CLVS1: variants seen among roughly 807,000 people sequenced by gnomAD.
CLVS1 encodes the protein clavesin 1.
In CLVS1, 10 loss-of-function variants were observed where a neutral mutation model predicts 33.1. The ratio of observed to expected loss-of-function variants is 0.30; its 90% confidence interval spans 0.19 to 0.51. CLVS1 has a LOEUF of 0.51. CLVS1 is among the 20% of genes least tolerant of loss of function. CLVS1 has a pLI of 0.97. For missense variants in CLVS1, 343 were observed against 433.4 expected (o/e 0.79, Z 1.85); for synonymous variants, 163 against 166.1 (o/e 0.98, Z 0.14).
chr8:61,019,518 C>T, the CLVS1 span, among the ~76,000 whole-genome samples: 1 of 152,168 alleles, frequency 6.6e-6, no homozygotes, highest in Non-Finnish European at 1.5e-5. Context: ...AAGGTCCTAT[C>T]AGCTCTAGAA....
At chr8:61,355,086 T>A (rs1812636204) in intron 2 of CLVS1, among the ~76,000 whole-genome samples, 1 of 152,168 alleles carries the variant, frequency 6.6e-6, no homozygotes, top group Non-Finnish European at 1.5e-5. Flanking sequence ...CAAAACAAAT[T>A]TATCTTGTCA....
intron 1 of CLVS1, among the ~76,000 whole-genome samples, chr8:61,289,516 A>G (rs935350273): frequency 6.6e-6 from 1 of 152,222 alleles, no homozygotes; most frequent in Non-Finnish European, 1.5e-5. Flanking sequence ...CTGAACAGTA[A>G]AGCATTGGGA....
chr8:61,005,685 T>C, the CLVS1 span, among the ~76,000 whole-genome samples: 16 of 152,176 alleles, frequency 1.1e-4, no homozygotes, highest in Non-Finnish European at 5.9e-5. Flanking sequence ...TATTTAAAAA[T>C]AGCGCTTTCT....
intron 2 of CLVS1, among the ~76,000 whole-genome samples, chr8:61,188,670 G>A (rs1482184248): frequency 6.6e-6 from 1 of 151,928 alleles, no homozygotes; most frequent in Non-Finnish European, 1.5e-5. Flanking sequence ...ATAGCTAAAG[G>A]GAATATTAAT....
intron 2 of CLVS1, among the ~76,000 whole-genome samples, chr8:61,132,929 G>A (rs1484376882): frequency 6.6e-6 from 1 of 152,200 alleles, no homozygotes; most frequent in East Asian, 1.9e-4. Context: ...GGTGTGGGAG[G>A]AAGCTTTTGT....
At chr8:61,027,499 A>G in the CLVS1 span, among the ~76,000 whole-genome samples, 1 of 152,092 alleles carries the variant, frequency 6.6e-6, no homozygotes, top group Admixed American at 6.6e-5. Context: ...TATGTATGTC[A>G]TCTTTGCTTG....
At chr8:61,427,289 T>C (rs1815930450) in intron 3 of CLVS1, among the ~76,000 whole-genome samples, 1 of 152,144 alleles carries the variant, frequency 6.6e-6, no homozygotes, top group African/African-American at 2.4e-5. Flanking sequence ...TTCCAGCACC[T>C]GCTTTCTTGG....
the CLVS1 span, among the ~76,000 whole-genome samples, chr8:61,001,290 A>G: frequency 3.3e-5 from 5 of 152,290 alleles, no homozygotes; most frequent in African/African-American, 7.2e-5. Context: ...CCTGGCTCCC[A>G]TAACATTTTT....
At chr8:61,033,029 GAA>G in the CLVS1 span, among the ~76,000 whole-genome samples, 65 of 111,160 alleles carry the variant, frequency 5.8e-4, no homozygotes, top group East Asian at 0.01. Flanking sequence ...AAGAAAGAAA[GAA>G]AGAAAGAAAG....
At chr8:61,022,603 T>C in the CLVS1 span, among the ~76,000 whole-genome samples, 1 of 152,238 alleles carries the variant, frequency 6.6e-6, no homozygotes, top group African/African-American at 2.4e-5. Flanking sequence ...TGCTTTTTGG[T>C]TTTTGTTTTG....
In CLVS1 at chr8:61,299,775, C is replaced by A; in HGVS notation, c.-53C>A. ...CTCTATTTGTCTGTTCCGGGGCAGC[C>A]TGGTAGTAAAACACTGTTGAATGGG... On this transcript the variant is annotated 5_prime_UTR_variant, in exon 2 of 6. It adds an upstream start codon to the 5' untranslated region. Coordinates refer to ENST00000325897, the MANE Select transcript of CLVS1 (RefSeq NM_173519.3). The A allele has an allele frequency of 7.4e-7, 1 of 1,357,850 alleles. No homozygotes were observed. Among genetic ancestry groups the A allele is most frequent in the Non-Finnish European group, 1.0e-6 (1 of 973,932 alleles). The allele number at this position is 1,357,850 out of a possible 1,614,324, so 84.1% of individuals were successfully genotyped here.
chr8:61,346,185 G>A (rs1395219886), intron 2 of CLVS1, among the ~76,000 whole-genome samples: 6 of 152,132 alleles, frequency 3.9e-5, no homozygotes, highest in East Asian at 1.9e-4. Flanking sequence ...GTCAGTCAGC[G>A]TTTCTTAACC....
chr8:61,080,504 G>A (rs1349673174), intron 1 of CLVS1, among the ~76,000 whole-genome samples: 1 of 152,164 alleles, frequency 6.6e-6, no homozygotes, highest in East Asian at 1.9e-4. Flanking sequence ...TCTAGCACTT[G>A]GGATTCATTT....
At chr8:61,279,702 T>C (rs543453011) in intron 2 of CLVS1, among the ~76,000 whole-genome samples, 1 of 152,362 alleles carries the variant, frequency 6.6e-6, no homozygotes, top group African/African-American at 2.4e-5. Context: ...ATCAGTGTTA[T>C]AGGATATACA....
intron 2 of CLVS1, among the ~76,000 whole-genome samples, chr8:61,361,502 G>T (rs192008162): frequency 2.0e-5 from 3 of 152,238 alleles, no homozygotes; most frequent in Non-Finnish European, 2.9e-5. Flanking sequence ...ACTTTTCCCT[G>T]TCTCATAGTT....
At chr8:61,263,546 G>A (rs1200093812) in intron 2 of CLVS1, among the ~76,000 whole-genome samples, 1 of 152,164 alleles carries the variant, frequency 6.6e-6, no homozygotes, top group Non-Finnish European at 1.5e-5. Context: ...AGATTCAACA[G>A]TATCAACCTT....
intron 2 of CLVS1, among the ~76,000 whole-genome samples, chr8:61,165,985 A>G (rs567087239): frequency 2.0e-5 from 3 of 150,010 alleles, no homozygotes; most frequent in Admixed American, 6.6e-5. Context: ...AAAATATAGC[A>G]AGGCAAGAAC....
the CLVS1 span, among the ~76,000 whole-genome samples, chr8:61,029,401 C>A: frequency 2.0e-5 from 3 of 152,096 alleles, no homozygotes; most frequent in African/African-American, 4.8e-5. Flanking sequence ...GGCAGAGATG[C>A]AGCTTCTGGG....
At chr8:61,033,030 AAAGAAAGAAAGAAAG>A in the CLVS1 span, among the ~76,000 whole-genome samples, 2 of 117,532 alleles carry the variant, frequency 1.7e-5, no homozygotes, top group South Asian at 5.4e-4. Flanking sequence ...AGAAAGAAAG[AAAGAAAGAAAGAAAG>A]AAAAAGAAAG....
Sources: gnomAD v4.1 joint callset for allele counts (sites outside exome capture counted in the v4.1 genomes callset) on GRCh38, gnomAD v4.1.1 for gene constraint, MANE v1.5 for transcripts, NCBI Gene and HGNC (gene_info 2026-07-23, HGNC 2026-07-21) for gene names.